Variants in ADAMTS20 observed in about 807,000 individuals in gnomAD.
ADAMTS20 encodes A disintegrin and metalloproteinase with thrombospondin motifs 20.
ADAMTS20 carries 225 observed loss-of-function variants against 260.1 expected under a neutral mutation model. The ratio of observed to expected loss-of-function variants is 0.87; its 90% CI spans 0.78 to 0.97. The LOEUF (loss-of-function observed/expected upper bound fraction) is 0.97. Among genes scored for constraint, ADAMTS20 ranks in the 50% least tolerant of loss-of-function variants. The pLI, the probability that ADAMTS20 is intolerant of heterozygous loss-of-function variation, is 0.00. For missense variants in ADAMTS20, 2,400 were observed against 2,337.7 expected, an observed-to-expected ratio of 1.03 and a Z score of -0.55; for synonymous variants, 802 against 769.5, an observed-to-expected ratio of 1.04 and a Z score of -0.70.
intron 29 of ADAMTS20, among the ~76,000 whole-genome samples, chr12:43,398,363 C>T (rs1940744367): frequency 6.6e-6 from 1 of 152,092 alleles, no homozygotes; most frequent in Non-Finnish European, 1.5e-5. Flanking sequence ...TATCAATTAC[C>T]CTTCTTTTAC....
chr12:43,471,906 G>A (rs1942269757), intron 7 of ADAMTS20, among the ~76,000 whole-genome samples: 1 of 141,188 alleles, frequency 7.1e-6, no homozygotes, highest in Non-Finnish European at 1.5e-5. Context: ...CAGAAAAACT[G>A]GAAACTCTAA....
chr12:43,445,969 A>G (rs1941752662), intron 15 of ADAMTS20, among the ~76,000 whole-genome samples: 1 of 152,204 alleles, frequency 6.6e-6, no homozygotes. Context: ...AAACATTACA[A>G]TGGAAAATAC....
intron 18 of ADAMTS20, among the ~76,000 whole-genome samples, chr12:43,439,161 T>C (rs577809450): frequency 6.6e-6 from 1 of 152,288 alleles, no homozygotes; most frequent in South Asian, 2.1e-4. Context: ...CCATTTTTCA[T>C]GCCATCTATA....
chr12:43,490,908 C>T (rs1307876410), intron 6 of ADAMTS20, among the ~76,000 whole-genome samples: 1 of 152,048 alleles, frequency 6.6e-6, no homozygotes, highest in Admixed American at 6.6e-5. Flanking sequence ...ACCTCTTTCT[C>T]ATAGCCCTTT....
chr12:43,458,468 G>T (rs1942004654), intron 11 of ADAMTS20, among the ~76,000 whole-genome samples: 2 of 152,036 alleles, frequency 1.3e-5, no homozygotes, highest in African/African-American at 4.8e-5. Context: ...TGTCCTCCTT[G>T]CTCTTCTTTG....
chr12:43,361,280 G>A (rs1202400211), intron 37 of ADAMTS20, among the ~76,000 whole-genome samples: 1 of 152,216 alleles, frequency 6.6e-6, no homozygotes, highest in African/African-American at 2.4e-5. Context: ...CAAATGCTGT[G>A]TAACATAACA....
At chr12:43,536,054 G>C (rs1444053887) in intron 2 of ADAMTS20, among the ~76,000 whole-genome samples, 2 of 151,914 alleles carry the variant, frequency 1.3e-5, no homozygotes, top group African/African-American at 2.4e-5. Context: ...TACCAATATA[G>C]AGATCAGACA....
intron 3 of ADAMTS20, among the ~76,000 whole-genome samples, chr12:43,517,839 G>T (rs1400367886): frequency 6.6e-6 from 1 of 151,394 alleles, no homozygotes; most frequent in African/African-American, 2.4e-5. Context: ...CAATGGAAGA[G>T]AAATCAATGT....
chr12:43,354,314 A>G lies in ADAMTS20; in HGVS notation c.5644-16T>C, dbSNP rs769593443. ...TAGTTCCATCCTGAAAATCGGAAGA[A>G]GAAATACAGAAGAATCTTATACAAG... On this transcript the variant is annotated splice_polypyrimidine_tract_variant and intron_variant, in intron 38 of 38. Coordinates refer to ENST00000389420, the MANE Select transcript of ADAMTS20 (RefSeq NM_025003.5). 1.4e-5 allele frequency: 22 copies of G among 1,548,550 alleles called. No homozygotes were observed. The highest frequency in any genetic ancestry group is 1.8e-5 in the Non-Finnish European group (21 of 1,137,448).
intron 14 of ADAMTS20, among the ~76,000 whole-genome samples, chr12:43,447,229 T>C (rs1181617551): frequency 6.6e-6 from 1 of 151,108 alleles, no homozygotes; most frequent in African/African-American, 2.4e-5. Context: ...TGAATACTGA[T>C]ACAAAAATCC....
chr12:43,504,937 AC>A (rs974039006), intron 3 of ADAMTS20, among the ~76,000 whole-genome samples: 7 of 152,202 alleles, frequency 4.6e-5, no homozygotes, highest in Non-Finnish European at 1.0e-4. Context: ...ACATGCATCT[AC>A]CCTATGACAT....
Position 43,432,327 on chromosome 12 carries a change from A to C in ADAMTS20, c.3073T>G (p.Trp1025Gly), listed in dbSNP as rs368290142. The C allele has an allele frequency of 1.8e-5, 29 of 1,613,892 alleles. No individual in the cohort carries two copies. Among genetic ancestry groups the C allele is most frequent in the Non-Finnish European group, 2.3e-5 (27 of 1,179,884 alleles). ...ENCNEFSCPS[W>G]AASEWSECLV... ...ACCTCGCTCCATTCACTAGCAGCCC[A>C]ACTGGGACAGGAAAATTCATTGCAA... The change falls in exon 21 of 39, where the codon TGG becomes GGG. Residue 1025 changes from tryptophan (W) to glycine (G), a missense_variant. Physicochemically the swap from Trp to Gly is radical, Grantham distance 184 (BLOSUM62 -2). Transcript: ENST00000389420.
intron 29 of ADAMTS20, among the ~76,000 whole-genome samples, chr12:43,397,243 C>T (rs900160217): frequency 2.0e-5 from 3 of 152,040 alleles, no homozygotes; most frequent in African/African-American, 7.2e-5. Context: ...TCCATTGTCG[C>T]CAAGAGGAAA....
chr12:43,454,770 G>C (rs891707224), intron 11 of ADAMTS20, among the ~76,000 whole-genome samples: 4 of 152,194 alleles, frequency 2.6e-5, no homozygotes, highest in African/African-American at 9.7e-5. Context: ...CTATGAATTA[G>C]TTTCCAGACT....
chr12:43,470,130 C>A (rs1480651560), intron 7 of ADAMTS20, among the ~76,000 whole-genome samples: 1 of 152,166 alleles, frequency 6.6e-6, no homozygotes, highest in African/African-American at 2.4e-5. Context: ...TTCTACAATT[C>A]ATGCTTGCAT....
intron 3 of ADAMTS20, among the ~76,000 whole-genome samples, chr12:43,524,027 A>T (rs1027129193): frequency 1.3e-5 from 2 of 151,444 alleles, no homozygotes; most frequent in African/African-American, 4.8e-5. Flanking sequence ...TTCTTCAAGC[A>T]CCACCTCCTG....
intron 7 of ADAMTS20, among the ~76,000 whole-genome samples, chr12:43,487,588 AT>A (rs1942542580): frequency 1.3e-5 from 2 of 150,838 alleles, no homozygotes; most frequent in South Asian, 4.2e-4. Context: ...AAATAAAAAA[AT>A]TAATAAATTA....
rs368915817 is a variant in ADAMTS20, at chr12:43,464,722, C to T, written c.1378G>A (p.Gly460Arg). ...YVTEFLDTGY[G>R]ECLLDKPDEE... ...TCTGGTTTGTCAAGAAGACATTCCC[C>T]GTAACCAGTACTGTAACAGTGACAG... The change falls in exon 10 of 39, where the codon GGG becomes AGG. Residue 460 changes from glycine to arginine, a missense_variant. Physicochemically the swap from Gly to Arg is moderately radical, Grantham distance 125. Transcript: ENST00000389420. 79 of 1,612,480 alleles carry T rather than the reference C, an allele frequency of 4.9e-5. 2 individuals carry two copies. Among genetic ancestry groups the T allele is most frequent in the Admixed American group, 4.0e-4 (24 of 59,778 alleles).
intron 2 of ADAMTS20, among the ~76,000 whole-genome samples, chr12:43,539,004 G>A (rs1288700525): frequency 2.8e-5 from 4 of 142,456 alleles, no homozygotes; most frequent in South Asian, 2.2e-4. Context: ...ACAGACTGGA[G>A]TGCAGTGGCG....
Sources: gnomAD v4.1 joint callset for allele counts (sites outside exome capture counted in the v4.1 genomes callset) on GRCh38, gnomAD v4.1.1 for gene constraint, MANE v1.5 for transcripts, NCBI Gene and HGNC (gene_info 2026-07-23, HGNC 2026-07-21) for gene names.